The following GPR158 variants were observed in gnomAD, a reference collection of about 807,000 sequenced individuals.
GPR158 encodes G protein-coupled receptor 158.
A neutral mutation model predicts 78.2 loss-of-function variants in GPR158; 30 were observed. The observed-to-expected ratio is 0.38, with a 90% confidence interval of 0.29 to 0.52. GPR158 has a LOEUF of 0.52. GPR158 is among the 20% of genes least tolerant of loss of function. GPR158 has a pLI of 0.83. For synonymous variants in GPR158, 581 were observed against 591.1 expected (o/e 0.98, Z 0.25); for missense variants, 1,463 against 1,523.5 (o/e 0.96, Z 0.66).
At chr10:25,490,940 C>T (rs1029181443) in intron 5 of GPR158, among the ~76,000 whole-genome samples, 8 of 152,008 alleles carry the variant, frequency 5.3e-5, no homozygotes, top group African/African-American at 1.4e-4. Context: ...AAGACTCATA[C>T]TAGTTTGTAA....
At chr10:25,235,295 A>G (rs1260759903) in intron 2 of GPR158, among the ~76,000 whole-genome samples, 1 of 152,104 alleles carries the variant, frequency 6.6e-6, no homozygotes, top group African/African-American at 2.4e-5. Context: ...TATCTCATGA[A>G]TCTATTTTCT....
chr10:25,306,976 G>C (rs1014960956), intron 2 of GPR158, among the ~76,000 whole-genome samples: 2 of 151,020 alleles, frequency 1.3e-5, no homozygotes, highest in African/African-American at 2.4e-5. Context: ...AGGGTTGGGG[G>C]AGAGAGTCAC....
At chr10:25,339,024 T>C (rs972498682) in intron 2 of GPR158, among the ~76,000 whole-genome samples, 109 of 150,708 alleles carry the variant, frequency 7.2e-4, no homozygotes, top group African/African-American at 1.7e-3. Context: ...TTCTTTCTTT[T>C]TTTTTTTTTT....
intron 1 of GPR158, among the ~76,000 whole-genome samples, chr10:25,189,314 G>A (rs908834295): frequency 3.3e-5 from 5 of 152,166 alleles, no homozygotes; most frequent in African/African-American, 1.2e-4. Flanking sequence ...AAATCATGCT[G>A]CTATAAAGGC....
intron 2 of GPR158, among the ~76,000 whole-genome samples, chr10:25,335,485 C>T (rs1016214875): frequency 2.0e-5 from 3 of 151,910 alleles, no homozygotes; most frequent in Non-Finnish European, 2.9e-5. Flanking sequence ...TAGTCCATGG[C>T]TTTAGTGTAT....
In GPR158 at chr10:25,252,696, G is replaced by A. The variant is rs1221814630; in HGVS notation, c.1008+31539G>A. On this transcript the variant is annotated intron_variant, in intron 2 of 10. Transcript: ENST00000376351. ...TCTCAGATCTCCAGCTGCGTGCTGG[G>A]AGAACCACTGCTCCCTTCAAAGCTG... 6.6e-5 allele frequency among the ~76,000 whole-genome samples: 10 copies of A among 151,014 alleles called. No homozygotes were observed. In the South Asian group the frequency reaches 1.1e-3, roughly 16 times the overall value.
intron 2 of GPR158, among the ~76,000 whole-genome samples, chr10:25,355,904 G>A (rs570532920): frequency 0.011 from 1,735 of 152,136 alleles, 8 homozygotes; most frequent in Non-Finnish European, 0.016. Flanking sequence ...CTCTGATTTA[G>A]TATCTCCTTT....
chr10:25,283,879 T>C (rs1199379920), intron 2 of GPR158, among the ~76,000 whole-genome samples: 1 of 152,062 alleles, frequency 6.6e-6, no homozygotes, highest in Non-Finnish European at 1.5e-5. Flanking sequence ...TATAGTCCCA[T>C]AGTTCATTTA....
At chr10:25,205,657 C>G (rs1853015676) in intron 1 of GPR158, among the ~76,000 whole-genome samples, 1 of 152,106 alleles carries the variant, frequency 6.6e-6, no homozygotes, top group Non-Finnish European at 1.5e-5. Context: ...TTCTTGATGT[C>G]TGCCCTAATG....
At chr10:25,194,669 A>G (rs1029896121) in intron 1 of GPR158, among the ~76,000 whole-genome samples, 4 of 152,186 alleles carry the variant, frequency 2.6e-5, no homozygotes, top group African/African-American at 9.6e-5. Flanking sequence ...GAGTAGTCAC[A>G]ATCGAAAACT....
intron 2 of GPR158, among the ~76,000 whole-genome samples, chr10:25,236,687 A>G (rs1853531541): frequency 6.6e-6 from 1 of 150,786 alleles, no homozygotes; most frequent in South Asian, 2.1e-4. Flanking sequence ...TTATCCTTTG[A>G]GTCCTAGAGT....
chr10:25,407,445 T>C (rs1376482319), intron 3 of GPR158, among the ~76,000 whole-genome samples: 1 of 152,156 alleles, frequency 6.6e-6, no homozygotes, highest in Non-Finnish European at 1.5e-5. Flanking sequence ...TAAGTGCCCA[T>C]TATTTTCAAA....
chr10:25,310,371 T>C (rs183648380), intron 2 of GPR158, among the ~76,000 whole-genome samples: 3 of 152,316 alleles, frequency 2.0e-5, no homozygotes, highest in Admixed American at 2.0e-4. Flanking sequence ...TTGCTTTTGA[T>C]ATTTATATTC....
In GPR158 at chr10:25,597,934, T is replaced by A; in HGVS notation, c.2308T>A (p.Ser770Thr). The change falls in exon 11 of 11, where the codon TCT becomes ACT. Residue 770 changes from serine (S) to threonine (T), a missense_variant. Coordinates refer to ENST00000376351, the MANE Select transcript of GPR158 (RefSeq NM_020752.3). Reference sequence around the variant, plus strand: ...CCCAGAGACAGTCAGCCGGCAGTGCTCTAAAGAGGACAAGGAGGGCGCCGA... The same window carrying A: ...CCCAGAGACAGTCAGCCGGCAGTGCACTAAAGAGGACAAGGAGGGCGCCGA... ...EIPETVSRQC[S>T]KEDKEGADHG... 1 of 1,613,604 alleles carries A rather than the reference T, an allele frequency of 6.2e-7. No homozygotes were observed. Among genetic ancestry groups the A allele is most frequent in the Non-Finnish European group, 8.5e-7 (1 of 1,179,792 alleles).
At chr10:25,427,674 A>C (rs1043223506) in intron 4 of GPR158, among the ~76,000 whole-genome samples, 1 of 152,002 alleles carries the variant, frequency 6.6e-6, no homozygotes, top group Non-Finnish European at 1.5e-5. Context: ...AAGTACTTGC[A>C]TTCTTTAGTA....
intron 4 of GPR158, among the ~76,000 whole-genome samples, chr10:25,448,472 G>T (rs1317629996): frequency 6.6e-6 from 1 of 152,160 alleles, no homozygotes; most frequent in Non-Finnish European, 1.5e-5. Context: ...TTTCCAAGGA[G>T]TATTTACTTT....
intron 2 of GPR158, among the ~76,000 whole-genome samples, chr10:25,296,404 C>CTAT (rs1854514514): frequency 6.6e-6 from 1 of 152,056 alleles, no homozygotes; most frequent in Admixed American, 6.6e-5. Flanking sequence ...GTAGCCAACC[C>CTAT]TATTAGATAC....
Position 25,589,087 on chromosome 10 carries a change from T to C in GPR158, c.1834T>C (p.Tyr612His). Reference protein sequence around the residue: ...TVPSAFHEPRYMAVAVHNELI... With the variant: ...TVPSAFHEPRHMAVAVHNELI... ...CCCATCGGCATTCCATGAGCCCCGCTATATGGCTGTTGCAGTTCACAATGA... is the reference window on the plus strand; with the variant it reads ...CCCATCGGCATTCCATGAGCCCCGCCATATGGCTGTTGCAGTTCACAATGA... Residue 612 changes from tyrosine to histidine, a missense_variant, in exon 8 of 11, where the codon TAT becomes CAT. Coordinates refer to ENST00000376351, the MANE Select transcript of GPR158 (RefSeq NM_020752.3). The C allele has an allele frequency of 6.2e-7, 1 of 1,612,516 alleles. No individual in the cohort carries two copies. Among genetic ancestry groups the C allele is most frequent in the Non-Finnish European group, 8.5e-7 (1 of 1,178,716 alleles).
intron 5 of GPR158, among the ~76,000 whole-genome samples, chr10:25,538,505 G>T (rs945463266): frequency 4.6e-5 from 7 of 152,066 alleles, no homozygotes; most frequent in African/African-American, 1.7e-4. Context: ...GTTAAGAGAT[G>T]GGTTTTCACT....
Sources: gnomAD v4.1 joint callset for allele counts (sites outside exome capture counted in the v4.1 genomes callset) on GRCh38, gnomAD v4.1.1 for gene constraint, MANE v1.5 for transcripts, NCBI Gene and HGNC (gene_info 2026-07-23, HGNC 2026-07-21) for gene names.